NR3C2: variants seen among roughly 807,000 people sequenced by gnomAD.
The protein encoded by NR3C2 is nuclear receptor subfamily 3 group C member 2.
In NR3C2, 15 loss-of-function variants were observed where a neutral mutation model predicts 86.4. The ratio of observed to expected loss-of-function variants is 0.17; its 90% CI spans 0.12 to 0.27. NR3C2 has a LOEUF of 0.27. NR3C2 is among the 10% of genes least tolerant of loss of function. The pLI is 1.00. For synonymous variants in NR3C2, 458 were observed against 450.5 expected, an observed-to-expected ratio of 1.02 and a Z score of -0.21; for missense variants, 960 against 1,195.6, an observed-to-expected ratio of 0.80 and a Z score of 2.91.
At chr4:148,421,839 A>G (rs1263956662) in intron 2 of NR3C2, among the ~76,000 whole-genome samples, 1 of 152,188 alleles carries the variant, frequency 6.6e-6, no homozygotes, top group Non-Finnish European at 1.5e-5. Flanking sequence ...TTCCATTCTC[A>G]GGTACTGGCA....
intron 2 of NR3C2, among the ~76,000 whole-genome samples, chr4:148,316,904 T>A (rs929397633): frequency 1.3e-5 from 2 of 151,826 alleles, no homozygotes; most frequent in Non-Finnish European, 2.9e-5. Context: ...TAGGCTCAAC[T>A]GATCCTCCTG....
chr4:148,107,495 G>A, intron 8 of NR3C2, among the ~76,000 whole-genome samples: 1 of 152,070 alleles, frequency 6.6e-6, no homozygotes, highest in African/African-American at 2.4e-5. Context: ...CCCATTACTG[G>A]GTATATACCC....
intron 2 of NR3C2, among the ~76,000 whole-genome samples, chr4:148,264,047 T>C (rs1579081397): frequency 6.6e-6 from 1 of 152,178 alleles, no homozygotes; most frequent in African/African-American, 2.4e-5. Flanking sequence ...AGAACATAAA[T>C]TTACAAAAGT....
intron 2 of NR3C2, among the ~76,000 whole-genome samples, chr4:148,386,491 T>C (rs920069730): frequency 6.6e-6 from 1 of 152,098 alleles, no homozygotes; most frequent in Non-Finnish European, 1.5e-5. Flanking sequence ...GGATTTGGAG[T>C]CAAACCGAGT....
intron 7 of NR3C2, among the ~76,000 whole-genome samples, chr4:148,119,751 A>C (rs893503176): frequency 4.3e-4 from 64 of 149,540 alleles, no homozygotes; most frequent in Non-Finnish European, 1.5e-4. Flanking sequence ...ATGCCACTGC[A>C]CTCTGGCCTG....
At position 148,436,564 on chromosome 4, in the gene NR3C2, T is replaced by C. The variant is rs1330975305; in HGVS notation, c.297A>G (p.Ala99=). The change falls in exon 2 of 9, where the codon GCA becomes GCG. Residue 99 remains alanine (A), a synonymous_variant. Transcript: ENST00000358102. ...KTELESKELS[A]TVAESMGLYM... is the part of the protein sequence containing the mutation. Reference sequence around the variant, plus strand: ...ATAAACCCATGGACTCAGCTACAGTTGCTGAAAGTTCCTTAGATTCCAGCT... The same window carrying C: ...ATAAACCCATGGACTCAGCTACAGTCGCTGAAAGTTCCTTAGATTCCAGCT... 6.2e-7 allele frequency: 1 copy of C among 1,614,250 alleles called. No individual in the cohort carries two copies.
At chr4:148,389,694 CT>C (rs1747441662) in intron 2 of NR3C2, among the ~76,000 whole-genome samples, 2 of 151,980 alleles carry the variant, frequency 1.3e-5, no homozygotes, top group Admixed American at 1.3e-4. Flanking sequence ...CTTTTTTTGA[CT>C]GATAAAAATA....
At chr4:148,425,450 T>C (rs1250762420) in intron 2 of NR3C2, among the ~76,000 whole-genome samples, 1 of 152,146 alleles carries the variant, frequency 6.6e-6, no homozygotes, top group Non-Finnish European at 1.5e-5. Flanking sequence ...AGGGTGACAT[T>C]TGAACTAATC....
chr4:148,327,033 A>G (rs966980695), intron 2 of NR3C2, among the ~76,000 whole-genome samples: 1 of 152,218 alleles, frequency 6.6e-6, no homozygotes, highest in African/African-American at 2.4e-5. Flanking sequence ...GTTGAATAAG[A>G]ATTATTTTTG....
In NR3C2 at chr4:148,435,266, G is replaced by T. The variant is rs1440570041; in HGVS notation, c.1595C>A (p.Thr532Lys). ...SFHYRIGAQG[T>K]ISLSRSARDQ... ...TCTAGCCGATCGTGATAAAGATATT[G>T]TACCTTGAGCACCAATCCTGTAGTG... Residue 532 changes from threonine (T) to lysine (K), a missense_variant, in exon 2 of 9, where the codon ACA becomes AAA. This residue lies in a region of NR3C2 where 680 missense variants were observed against 719.0 expected (regional missense o/e 0.95). Transcript: ENST00000358102. The T allele has an allele frequency of 6.2e-7, 1 of 1,614,158 alleles. No individual in the cohort carries two copies. Among genetic ancestry groups the T allele is most frequent in the Middle Eastern group, 1.6e-4 (1 of 6,062 alleles).
chr4:148,242,823 G>C (rs1210155027), intron 3 of NR3C2, among the ~76,000 whole-genome samples: 3 of 152,132 alleles, frequency 2.0e-5, no homozygotes, highest in African/African-American at 7.2e-5. Flanking sequence ...AGGTATATCA[G>C]TGAGTGAACT....
At chr4:148,313,987 G>A (rs1445790629) in intron 2 of NR3C2, among the ~76,000 whole-genome samples, 1 of 152,170 alleles carries the variant, frequency 6.6e-6, no homozygotes, top group African/African-American at 2.4e-5. Context: ...TATAGAAGCT[G>A]TAAATACTCT....
intron 3 of NR3C2, among the ~76,000 whole-genome samples, chr4:148,200,437 T>G (rs1736665441): frequency 6.6e-6 from 1 of 151,516 alleles, no homozygotes; most frequent in South Asian, 2.1e-4. Context: ...AAGTTATCCA[T>G]GATTTACACC....
chr4:148,410,889 A>G (rs541443623), intron 2 of NR3C2, among the ~76,000 whole-genome samples: 2 of 152,322 alleles, frequency 1.3e-5, no homozygotes, highest in African/African-American at 4.8e-5. Context: ...TGCTTTACAG[A>G]CTACTGTCAG....
chr4:148,213,844 C>G (rs566680417), intron 3 of NR3C2, among the ~76,000 whole-genome samples: 1 of 152,308 alleles, frequency 6.6e-6, no homozygotes, highest in South Asian at 2.1e-4. Context: ...CTATGGAATA[C>G]TTTACAACTT....
intron 8 of NR3C2, among the ~76,000 whole-genome samples, chr4:148,085,502 C>T (rs942869667): frequency 8.5e-5 from 13 of 152,080 alleles, no homozygotes; most frequent in African/African-American, 1.2e-4. Context: ...AGTGTTCAGA[C>T]GGAAATTTAT....
upstream of NR3C2, chr4:148,444,787 G>A (rs946678929): frequency 5.1e-6 from 5 of 984,922 alleles, no homozygotes; most frequent in African/African-American, 8.7e-5. Context: ...CAGCGGCGGC[G>A]GCCGGGCCTC....
intron 6 of NR3C2, among the ~76,000 whole-genome samples, chr4:148,143,870 C>T (rs2149756062): frequency 1.3e-5 from 2 of 149,356 alleles, no homozygotes; most frequent in South Asian, 4.3e-4. Context: ...TCCCTTGAAC[C>T]CGGGAGGCGG....
At chr4:148,160,333 A>T (rs1734599799) in intron 4 of NR3C2, among the ~76,000 whole-genome samples, 1 of 152,150 alleles carries the variant, frequency 6.6e-6, no homozygotes, top group Non-Finnish European at 1.5e-5. Context: ...ATTTCTAATG[A>T]GATCTCAAGA....
Sources: gnomAD v4.1 joint callset for allele counts (sites outside exome capture counted in the v4.1 genomes callset) on GRCh38, gnomAD v4.1.1 for gene constraint, gnomAD v4.1.1 regional missense constraint, MANE v1.5 for transcripts, NCBI Gene and HGNC (gene_info 2026-07-23, HGNC 2026-07-21) for gene names.